KCND2: variants seen among roughly 807,000 people sequenced by gnomAD.
KCND2 encodes the protein potassium voltage-gated channel subfamily D member 2.
A neutral mutation model predicts 54.4 loss-of-function variants in KCND2; 16 were observed. The observed-to-expected ratio is 0.29, with a 90% confidence interval of 0.20 to 0.45. The LOEUF is 0.45. Among genes scored for constraint, KCND2 ranks in the 20% least tolerant of loss-of-function variants. The probability of loss-of-function intolerance (pLI) is 1.00; values close to 1 mark genes in which losing one functional copy is unlikely to be tolerated. For synonymous variants in KCND2, 317 were observed against 310.7 expected (o/e 1.02, Z -0.21); for missense variants, 486 against 824.2 (o/e 0.59, Z 5.02).
In KCND2 at chr7:120,273,970, C is replaced by T. The variant is rs77626686; in HGVS notation, c.-663C>T. 1.3e-5 allele frequency: 2 copies of T among 153,646 alleles called. No homozygotes were observed. Among genetic ancestry groups the T allele is most frequent in the South Asian group, 2.1e-4 (1 of 4,876 alleles). The allele number at this position is 153,646 out of a possible 1,614,324, so 9.5% of individuals were successfully genotyped here. A position where few individuals can be genotyped will look rare whatever the true frequency, so the allele number is the denominator to read the frequency against. ...TGGGGGAGGAGAATCTCTATTAACG[C>T]CCCCCACCGTAACCACTGCACATCA... On this transcript the variant is annotated 5_prime_UTR_variant, in exon 1 of 6. Coordinates refer to ENST00000331113, the MANE Select transcript of KCND2 (RefSeq NM_012281.3).
At chr7:120,383,700 A>G (rs1057373248) in intron 1 of KCND2, among the ~76,000 whole-genome samples, 3 of 152,048 alleles carry the variant, frequency 2.0e-5, no homozygotes, top group African/African-American at 7.2e-5. Flanking sequence ...CTCCCCACAC[A>G]TGTGTGTGAA....
intron 1 of KCND2, among the ~76,000 whole-genome samples, chr7:120,282,690 T>C (rs1799284472): frequency 6.6e-6 from 1 of 152,098 alleles, no homozygotes. Flanking sequence ...GTCTTGTCTT[T>C]TTTGCTTTTA....
chr7:120,305,717 T>C (rs1799644329), intron 1 of KCND2, among the ~76,000 whole-genome samples: 1 of 152,156 alleles, frequency 6.6e-6, no homozygotes, highest in African/African-American at 2.4e-5. Context: ...CTCTGCAAAT[T>C]GAATCCAAAT....
At chr7:120,567,135 C>T (rs959327205) in intron 1 of KCND2, among the ~76,000 whole-genome samples, 8 of 152,218 alleles carry the variant, frequency 5.3e-5, no homozygotes, top group Admixed American at 6.5e-5. Flanking sequence ...TGCTTATCAA[C>T]GTTCAAGGAT....
chr7:120,307,504 G>T (rs946102588), intron 1 of KCND2, among the ~76,000 whole-genome samples: 53 of 152,190 alleles, frequency 3.5e-4, no homozygotes, highest in African/African-American at 1.3e-3. Context: ...CAGCAAGCAA[G>T]ATGCCTTTCT....
intron 1 of KCND2, among the ~76,000 whole-genome samples, chr7:120,420,198 A>G (rs1801592262): frequency 6.6e-6 from 1 of 152,156 alleles, no homozygotes; most frequent in Non-Finnish European, 1.5e-5. Context: ...TAGAATATTT[A>G]CTGTATAATT....
At chr7:120,662,228 T>C (rs1445709051) in intron 1 of KCND2, among the ~76,000 whole-genome samples, 1 of 152,174 alleles carries the variant, frequency 6.6e-6, no homozygotes, top group African/African-American at 2.4e-5. Context: ...GTCTACACAA[T>C]GTTTGCCAAA....
intron 1 of KCND2, among the ~76,000 whole-genome samples, chr7:120,459,275 T>G (rs1362884741): frequency 6.6e-6 from 1 of 152,132 alleles, no homozygotes. Context: ...ACTGCGCTTG[T>G]TCTTGGCTCT....
chr7:120,417,704 C>G (rs1801544567), intron 1 of KCND2, among the ~76,000 whole-genome samples: 1 of 152,176 alleles, frequency 6.6e-6, no homozygotes, highest in East Asian at 1.9e-4. Context: ...CTGAAACATT[C>G]AAATTTCTCA....
chr7:120,352,238 C>G (rs1360730917), intron 1 of KCND2, among the ~76,000 whole-genome samples: 3 of 152,018 alleles, frequency 2.0e-5, no homozygotes, highest in Admixed American at 6.6e-5. Context: ...GCTGGGCCCT[C>G]TCTTCTGTTT....
intron 1 of KCND2, among the ~76,000 whole-genome samples, chr7:120,599,228 C>A (rs547607932): frequency 1.3e-5 from 2 of 152,050 alleles, no homozygotes; most frequent in African/African-American, 4.8e-5. Flanking sequence ...ACTGTAGCTT[C>A]ATAATAGGTC....
At chr7:120,276,532 G>A (rs1267472502) in intron 1 of KCND2, among the ~76,000 whole-genome samples, 2 of 152,058 alleles carry the variant, frequency 1.3e-5, no homozygotes, top group African/African-American at 2.4e-5. Context: ...AGAAGATAGA[G>A]CAGTATCTGG....
Position 120,659,108 on chromosome 7 carries a change from G to A in KCND2, c.1116-73795G>A, listed in dbSNP as rs142682734. Among the ~76,000 whole-genome samples the A allele has an allele frequency of 9.9e-4, 151 of 152,242 alleles. 2 individuals are homozygous for A. The East Asian group carries it at 0.028, about 29-fold the overall frequency. ...AAGTCCTGGGTGCCTAAAATTCAGG[G>A]GTCAAGAGTGCAAAAGGAGAAGCAG... On this transcript the variant is annotated intron_variant, in intron 1 of 5. Transcript: ENST00000331113.
At chr7:120,498,602 C>G (rs1319422539) in intron 1 of KCND2, among the ~76,000 whole-genome samples, 1 of 151,884 alleles carries the variant, frequency 6.6e-6, no homozygotes, top group Non-Finnish European at 1.5e-5. Context: ...TGGTGAAACC[C>G]TGTCTGTACT....
chr7:120,448,375 C>T (rs1802050129), intron 1 of KCND2, among the ~76,000 whole-genome samples: 1 of 152,168 alleles, frequency 6.6e-6, no homozygotes, highest in Non-Finnish European at 1.5e-5. Flanking sequence ...TTTTTTATGG[C>T]TGCATAGTAT....
At chr7:120,413,275 A>G (rs1311246147) in intron 1 of KCND2, among the ~76,000 whole-genome samples, 1 of 152,078 alleles carries the variant, frequency 6.6e-6, no homozygotes, top group Non-Finnish European at 1.5e-5. Context: ...AGTGAAGACT[A>G]TGGTTAGATT....
At position 120,741,372 on chromosome 7, in the gene KCND2, G is replaced by A. The variant is rs1200544862; in HGVS notation, c.1279-162G>A. Among the ~76,000 whole-genome samples, 4 of 152,108 alleles carry A rather than the reference G, an allele frequency of 2.6e-5. No homozygotes were observed. In the East Asian group the frequency reaches 7.7e-4, roughly 29 times the overall value. ...ACTGATAAATATTAACTGAAATAAA[G>A]CACTTAAAAAGGTAGAGAGGTAATT... On this transcript the variant is annotated intron_variant, in intron 2 of 5. Coordinates refer to ENST00000331113, the MANE Select transcript of KCND2 (RefSeq NM_012281.3).
At chr7:120,419,284 C>T (rs79091997) in intron 1 of KCND2, among the ~76,000 whole-genome samples, 129 of 152,170 alleles carry the variant, frequency 8.5e-4, no homozygotes, top group African/African-American at 3.0e-3. Flanking sequence ...TTCAAATTCC[C>T]ATCTGCTATG....
intron 1 of KCND2, among the ~76,000 whole-genome samples, chr7:120,377,065 G>T (rs1800843201): frequency 6.6e-6 from 1 of 151,974 alleles, no homozygotes; most frequent in Admixed American, 6.6e-5. Context: ...TGCTGAAATT[G>T]AAATCTGAAA....
Sources: gnomAD v4.1 joint callset for allele counts (sites outside exome capture counted in the v4.1 genomes callset) on GRCh38, gnomAD v4.1.1 for gene constraint, MANE v1.5 for transcripts, NCBI Gene and HGNC (gene_info 2026-07-23, HGNC 2026-07-21) for gene names.